The following DGKI variants were observed in gnomAD, a reference collection of about 807,000 sequenced individuals.
DGKI encodes DAG kinase iota.
In DGKI, 55 loss-of-function variants were observed where a neutral mutation model predicts 147.5. That is an observed-to-expected ratio of 0.37 (90% CI 0.30 to 0.47). DGKI has a LOEUF of 0.47. Among genes scored for constraint, DGKI ranks in the 20% least tolerant of loss-of-function variants. The pLI is 1.00. For missense variants in DGKI, 1,007 were observed against 1,323.8 expected, an observed-to-expected ratio of 0.76 and a Z score of 3.71; for synonymous variants, 469 against 477.1, an observed-to-expected ratio of 0.98 and a Z score of 0.22.
At chr7:137,571,390 A>G in intron 18 of DGKI, 104 bp from the exon 19 acceptor site, 1 of 762,930 alleles carries the variant, frequency 1.3e-6, no homozygotes. Flanking sequence ...AAACATAAAA[A>G]CAGTTTTCCA....
At chr7:137,553,801 G>A (rs1250830370) in intron 19 of DGKI, among the ~76,000 whole-genome samples, 1 of 152,140 alleles carries the variant, frequency 6.6e-6, no homozygotes, top group Non-Finnish European at 1.5e-5. Context: ...GAAAGCAGAG[G>A]AGAATGATGT....
intron 21 of DGKI, among the ~76,000 whole-genome samples, chr7:137,513,023 G>C (rs775315689): frequency 6.6e-6 from 1 of 152,058 alleles, no homozygotes; most frequent in Non-Finnish European, 1.5e-5. Flanking sequence ...CCAAAGTAAA[G>C]GTCAGCAATT....
At chr7:137,656,407 G>T in intron 4 of DGKI, 59 bp downstream of exon 4, 1 of 1,559,930 alleles carries the variant, frequency 6.4e-7, no homozygotes. Context: ...TTTACACCGG[G>T]CCTCTGAAGA....
intron 1 of DGKI, among the ~76,000 whole-genome samples, chr7:137,845,023 C>T (rs1400933187): frequency 6.6e-6 from 1 of 152,206 alleles, no homozygotes; most frequent in African/African-American, 2.4e-5. Context: ...GAGCTACCCC[C>T]TCCCCACCAT....
intron 1 of DGKI, among the ~76,000 whole-genome samples, chr7:137,747,047 C>T (rs999943104): frequency 1.3e-4 from 20 of 152,122 alleles, no homozygotes; most frequent in South Asian, 1.2e-3. Context: ...TTATTTCTAG[C>T]GATTTGCTAG....
intron 3 of DGKI, among the ~76,000 whole-genome samples, chr7:137,662,401 G>A (rs933441150): frequency 3.9e-5 from 6 of 152,008 alleles, no homozygotes; most frequent in African/African-American, 1.4e-4. Context: ...CCGCCACCAC[G>A]CCCGGCTAAT....
rs1818309960 is a variant in DGKI at position 137,558,712 on chromosome 7, A to T, written c.1948-6144T>A. On this transcript the variant is annotated intron_variant, in intron 19 of 32. Coordinates refer to ENST00000614521, the MANE Select transcript of DGKI (RefSeq NM_001321708.2). The stretch of plus-strand genomic sequence containing the variant: ...ATAATTCGATAAATTCAGTTTCCTC[A>T]TATGTAAAGTGATTACAGTATGCTG... Among the ~76,000 whole-genome samples, 4 of 126,768 alleles carry T rather than the reference A, an allele frequency of 3.2e-5. No homozygotes were observed. The Admixed American group carries it at 3.2e-4, about 10-fold the overall frequency. The allele number at this position is 126,768 out of a possible 152,430, so 83.2% of individuals were successfully genotyped here.
chr7:137,709,903 A>G (rs1445321448), intron 1 of DGKI, among the ~76,000 whole-genome samples: 1 of 152,092 alleles, frequency 6.6e-6, no homozygotes, highest in Non-Finnish European at 1.5e-5. Context: ...ACAAAAATAA[A>G]TTTTAATAAG....
chr7:137,722,041 A>T, intron 1 of DGKI: 1 of 1,590,982 alleles, frequency 6.3e-7, no homozygotes, highest in Non-Finnish European at 8.5e-7. Context: ...ACCTGAAGCC[A>T]AGAAGGCTGA....
intron 1 of DGKI, among the ~76,000 whole-genome samples, chr7:137,785,008 A>G (rs936090012): frequency 6.6e-6 from 1 of 152,046 alleles, no homozygotes; most frequent in Non-Finnish European, 1.5e-5. Flanking sequence ...AAATGCCTGT[A>G]TCAAAAAGTC....
At chr7:137,700,024 G>A (rs1307641378) in intron 1 of DGKI, among the ~76,000 whole-genome samples, 2 of 152,206 alleles carry the variant, frequency 1.3e-5, no homozygotes, top group Non-Finnish European at 2.9e-5. Context: ...GTAATTCAGA[G>A]TGCCATAGAT....
intron 5 of DGKI, among the ~76,000 whole-genome samples, chr7:137,651,741 A>G (rs1822034274): frequency 6.6e-6 from 1 of 152,206 alleles, no homozygotes; most frequent in African/African-American, 2.4e-5. Context: ...GAAGCAATGA[A>G]AAAGAATAGG....
At chr7:137,648,875 C>T (rs940184364) in intron 5 of DGKI, among the ~76,000 whole-genome samples, 1 of 152,122 alleles carries the variant, frequency 6.6e-6, no homozygotes, top group African/African-American at 2.4e-5. Context: ...TTAAATATTA[C>T]TCTCTATGGC....
intron 1 of DGKI, among the ~76,000 whole-genome samples, chr7:137,716,414 A>G (rs1794378093): frequency 6.6e-6 from 1 of 152,218 alleles, no homozygotes; most frequent in Non-Finnish European, 1.5e-5. Context: ...ATCAAATTCT[A>G]TTGCTGTAAC....
intron 1 of DGKI, among the ~76,000 whole-genome samples, chr7:137,817,816 C>A (rs747466622): frequency 1.3e-4 from 20 of 152,232 alleles, no homozygotes; most frequent in Non-Finnish European, 1.9e-4. Flanking sequence ...GCCTTTCTTA[C>A]CCGTTCTTAC....
intron 15 of DGKI, among the ~76,000 whole-genome samples, chr7:137,581,080 A>G (rs771092058): frequency 3.9e-5 from 6 of 152,154 alleles, no homozygotes; most frequent in Non-Finnish European, 7.4e-5. Context: ...AGAGAGATCA[A>G]TCGGGACTAC....
intron 20 of DGKI, among the ~76,000 whole-genome samples, chr7:137,543,812 T>C (rs994757486): frequency 6.6e-6 from 1 of 152,188 alleles, no homozygotes; most frequent in Non-Finnish European, 1.5e-5. Flanking sequence ...AACACTAGTG[T>C]GTGAGTAAAT....
At chr7:137,819,784 G>A (rs1644424456) in intron 1 of DGKI, among the ~76,000 whole-genome samples, 1 of 152,130 alleles carries the variant, frequency 6.6e-6, no homozygotes, top group African/African-American at 2.4e-5. Flanking sequence ...CAGCCCCACA[G>A]CCTGCCAGTT....
At chr7:137,490,334 A>C (rs535664101) in intron 21 of DGKI, among the ~76,000 whole-genome samples, 2 of 152,328 alleles carry the variant, frequency 1.3e-5, no homozygotes, top group South Asian at 2.1e-4. Context: ...AATAGATGTC[A>C]TACAGGATTT....
Sources: gnomAD v4.1 joint callset for allele counts (sites outside exome capture counted in the v4.1 genomes callset) on GRCh38, gnomAD v4.1.1 for gene constraint, MANE v1.5 for transcripts, NCBI Gene and HGNC (gene_info 2026-07-23, HGNC 2026-07-21) for gene names.